Variants in NSD3 observed in about 807,000 individuals in gnomAD.
NSD3 encodes nuclear receptor binding SET domain protein 3, also known as histone-lysine N-methyltransferase NSD3.
A neutral mutation model predicts 160.8 loss-of-function variants in NSD3; 24 were observed. That is an observed-to-expected ratio of 0.15 (90% CI 0.11 to 0.21). NSD3 has a LOEUF of 0.21. Among genes scored for constraint, NSD3 ranks in the 10% least tolerant of loss-of-function variants. The pLI, the probability that NSD3 is intolerant of heterozygous loss-of-function variation, is 1.00. For missense variants in NSD3, 1,157 were observed against 1,735.9 expected (o/e 0.67, Z 5.93); for synonymous variants, 520 against 600.0 (o/e 0.87, Z 1.95).
intron 16 of NSD3, among the ~76,000 whole-genome samples, chr8:38,292,918 G>A (rs1381728715): frequency 6.6e-6 from 1 of 151,922 alleles, no homozygotes; most frequent in East Asian, 1.9e-4. Context: ...GTTGCAGTGA[G>A]CCAAGATCGC....
intron 1 of NSD3, among the ~76,000 whole-genome samples, chr8:38,379,335 T>G (rs1811482293): frequency 6.6e-6 from 1 of 152,000 alleles, no homozygotes; most frequent in Non-Finnish European, 1.5e-5. Context: ...CAACACAAAT[T>G]TTTCTATTTA....
Position 38,279,677 on chromosome 8 carries a change from C to A in NSD3, c.3623G>T (p.Arg1208Leu). The A allele has an allele frequency of 6.2e-7, 1 of 1,612,130 alleles. No individual in the cohort carries two copies. Among genetic ancestry groups the A allele is most frequent in the Non-Finnish European group, 8.5e-7 (1 of 1,178,476 alleles). Reference sequence around the variant, plus strand: ...TCCTTTTGGGCCGGCATCAATTATACGGTCCTTCAGAAAGAAAAGAAAAGT... The same window carrying A: ...TCCTTTTGGGCCGGCATCAATTATAAGGTCCTTCAGAAAGAAAAGAAAAGT... Reference protein sequence around the residue: ...NFYMLTVTKDRIIDAGPKGNY... With the variant: ...NFYMLTVTKDLIIDAGPKGNY... Residue 1208 changes from arginine (R) to leucine (L), a missense_variant, in exon 21 of 24, where the codon CGT (arginine) becomes CTT (leucine). By Grantham distance (102) the Arg-to-Leu change is moderately radical (BLOSUM62 -2). This residue lies in a region of NSD3 where 222 missense variants were observed against 409.9 expected (regional missense o/e 0.54). Transcript: ENST00000317025.
intron 14 of NSD3, 112 bp from the exon 15 acceptor site, chr8:38,299,702 C>G: frequency 1.9e-6 from 2 of 1,058,932 alleles, no homozygotes; most frequent in Non-Finnish European, 2.5e-6. Flanking sequence ...GTGGGGAGGG[C>G]GAAAATGAGA....
Position 38,274,416 on chromosome 8 carries a change from A to C in NSD3, c.*1225T>G, listed in dbSNP as rs551171811. The C allele has an allele frequency of 6.6e-6, 1 of 152,254 alleles. No homozygotes were observed. Among genetic ancestry groups the C allele is most frequent in the African/African-American group, 2.4e-5 (1 of 41,544 alleles). 9.4% of individuals were successfully genotyped at this position (152,254 alleles called of 1,614,324 possible). A position where few individuals can be genotyped will look rare whatever the true frequency, so the allele number is the denominator to read the frequency against. On this transcript the variant is annotated 3_prime_UTR_variant, in exon 24 of 24. Coordinates refer to ENST00000317025, the MANE Select transcript of NSD3 (RefSeq NM_023034.2). ...GATGAAGTGTGTTTGTGTGGCTCTT[A>C]TGCACCCTGTAAAAGTAGAAGTTCT...
intron 12 of NSD3, among the ~76,000 whole-genome samples, chr8:38,306,570 AC>A (rs1426665306): frequency 3.3e-5 from 5 of 152,192 alleles, no homozygotes; most frequent in African/African-American, 1.2e-4. Context: ...AACAAAAATG[AC>A]AAAAGATTAT....
At chr8:38,326,504 G>C (rs1327842979) in intron 7 of NSD3, among the ~76,000 whole-genome samples, 1 of 152,146 alleles carries the variant, frequency 6.6e-6, no homozygotes, top group African/African-American at 2.4e-5. Context: ...TTTAATTATA[G>C]AACCCTATTA....
At chr8:38,362,215 A>G (rs1017708263) in intron 1 of NSD3, among the ~76,000 whole-genome samples, 1 of 136,462 alleles carries the variant, frequency 7.3e-6, no homozygotes, top group Admixed American at 7.9e-5. Flanking sequence ...CATTATCAAT[A>G]AACAAATCAA....
chr8:38,309,125 A>G (rs577214075), intron 12 of NSD3, among the ~76,000 whole-genome samples: 9 of 151,680 alleles, frequency 5.9e-5, no homozygotes, highest in Non-Finnish European at 1.2e-4. Flanking sequence ...CCTGGGCAAC[A>G]TGGTAAACCT....
In NSD3 at chr8:38,317,929, T is replaced by C; in HGVS notation, c.1855+966A>G. 1 of 1,613,758 alleles carries C rather than the reference T, an allele frequency of 6.2e-7. No individual in the cohort carries two copies. Among genetic ancestry groups the C allele is most frequent in the Non-Finnish European group, 8.5e-7 (1 of 1,179,908 alleles). On this transcript the variant is annotated intron_variant, in intron 9 of 23. Transcript: ENST00000317025. The surrounding 1 kb of genome is among the most constrained non-coding windows in gnomAD (Gnocchi z 5.3). Reference sequence around the variant, plus strand: ...TTGCATGGAGACTACAAGTCTGGAGTTTCTGGGATGAAATTGTACAGGAAT... The same window carrying C: ...TTGCATGGAGACTACAAGTCTGGAGCTTCTGGGATGAAATTGTACAGGAAT...
At chr8:38,376,497 G>C (rs1031512624) in intron 1 of NSD3, among the ~76,000 whole-genome samples, 4 of 151,300 alleles carry the variant, frequency 2.6e-5, no homozygotes, top group African/African-American at 4.9e-5. Flanking sequence ...GTGCAATGGC[G>C]CGACCTCAGC....
In NSD3 at chr8:38,381,911, A is replaced by AGGC. The variant is rs1263340335; in HGVS notation, c.-160_-158dup. ...CAGCCGCTGGGGCCGCGCGAGGAGGAGGCGGAACCGAGCTAGGCCGCATGA... is the reference window on the plus strand; with the variant it reads ...CAGCCGCTGGGGCCGCGCGAGGAGGAGGCGGCGGAACCGAGCTAGGCCGCATGA... On this transcript the variant is annotated 5_prime_UTR_variant, in exon 1 of 24. Coordinates refer to ENST00000317025, the MANE Select transcript of NSD3 (RefSeq NM_023034.2). 6.5e-6 allele frequency: 1 copy of AGGC among 153,428 alleles called. No homozygotes were observed. The highest frequency in any genetic ancestry group is 1.4e-5 in the Non-Finnish European group (1 of 68,968). The allele number at this position is 153,428 out of a possible 1,614,324, so 9.5% of individuals were successfully genotyped here. A position where few individuals can be genotyped will look rare whatever the true frequency, so the allele number is the denominator to read the frequency against.
chr8:38,299,564 G>T lies in NSD3; in HGVS notation c.2638C>A (p.Pro880Thr). 3 of 1,611,406 alleles carry T rather than the reference G, an allele frequency of 1.9e-6. No individual in the cohort carries two copies. The highest frequency in any genetic ancestry group is 2.5e-6 in the Non-Finnish European group (3 of 1,178,912). The change falls in exon 15 of 24, where the codon CCC becomes ACC. Residue 880 changes from proline (P) to threonine (T), a missense_variant. Pro to Thr is a conservative substitution (Grantham distance 38, BLOSUM62 -1). Transcript: ENST00000317025. ...RGLIVQDHSD[P>T]MFSSYAYKSH... Reference sequence around the variant, plus strand: ...TTATAGGCATATGAACTGAACATGGGGTCTGAATGGTCCTGAACTATCAGC... The same window carrying T: ...TTATAGGCATATGAACTGAACATGGTGTCTGAATGGTCCTGAACTATCAGC...
At chr8:38,343,422 C>T (rs375298654) in intron 2 of NSD3, among the ~76,000 whole-genome samples, 2 of 152,138 alleles carry the variant, frequency 1.3e-5, no homozygotes, top group East Asian at 3.9e-4. Flanking sequence ...AAAATGTGGG[C>T]CAAGTGCAGT....
intron 1 of NSD3, among the ~76,000 whole-genome samples, chr8:38,374,284 T>C (rs966908620): frequency 2.0e-5 from 3 of 150,816 alleles, no homozygotes; most frequent in Non-Finnish European, 4.4e-5. Flanking sequence ...TCTCTAAAAA[T>C]AAAAAAAATA....
intron 2 of NSD3, among the ~76,000 whole-genome samples, chr8:38,345,763 A>G (rs762917929): frequency 5.3e-5 from 8 of 151,208 alleles, no homozygotes; most frequent in Non-Finnish European, 1.2e-4. Context: ...AAAAAAAATT[A>G]GCCAGGCGTG....
chr8:38,361,106 A>G (rs1585922952), intron 1 of NSD3, among the ~76,000 whole-genome samples: 2 of 152,114 alleles, frequency 1.3e-5, no homozygotes, highest in African/African-American at 2.4e-5. Context: ...GCTCACTGCA[A>G]CCTCCGCCTC....
intron 1 of NSD3, among the ~76,000 whole-genome samples, chr8:38,361,107 C>A (rs1810949531): frequency 1.3e-5 from 2 of 152,112 alleles, no homozygotes; most frequent in African/African-American, 4.8e-5. Context: ...CTCACTGCAA[C>A]CTCCGCCTCC....
At chr8:38,293,289 T>C (rs1381625156) in intron 16 of NSD3, among the ~76,000 whole-genome samples, 1 of 151,782 alleles carries the variant, frequency 6.6e-6, no homozygotes, top group Non-Finnish European at 1.5e-5. Flanking sequence ...CAGTGGCTCA[T>C]GCCTGTAATC....
In NSD3 at chr8:38,353,172, C is replaced by T. The variant is rs116650270; in HGVS notation, c.-44-4957G>A. ...TCACCCAGGCTGGAGTGCAGTGGCA[C>T]GATCTTGGCTCACTGCAAAAAAACC... On this transcript the variant is annotated intron_variant, in intron 1 of 23. Transcript: ENST00000317025. 1.9e-3 allele frequency among the ~76,000 whole-genome samples: 289 copies of T among 152,290 alleles called. 1 individual carries two copies. Among genetic ancestry groups the T allele is most frequent in the African/African-American group, 6.7e-3 (279 of 41,562 alleles).
Sources: gnomAD v4.1 joint callset for allele counts (sites outside exome capture counted in the v4.1 genomes callset) on GRCh38, gnomAD v4.1.1 for gene constraint, gnomAD v4.1.1 regional missense constraint, Gnocchi (gnomAD v3.1) non-coding constraint, MANE v1.5 for transcripts, NCBI Gene and HGNC (gene_info 2026-07-23, HGNC 2026-07-21) for gene names.